EIF3M: variants seen among roughly 807,000 people sequenced by gnomAD.
EIF3M encodes the protein B5 receptor.
A neutral mutation model predicts 49.7 loss-of-function variants in EIF3M; 25 were observed. The observed-to-expected ratio is 0.50, with a 90% CI of 0.37 to 0.70. The LOEUF (loss-of-function observed/expected upper bound fraction) is 0.70, where lower values mean the gene tolerates loss of function less well. Ranked by LOEUF, EIF3M falls within the 30% of genes least tolerant of loss-of-function variation. EIF3M has a pLI of 0.00. For missense variants in EIF3M, 350 were observed against 440.0 expected, an observed-to-expected ratio of 0.80 and a Z score of 1.83; for synonymous variants, 156 against 149.8, an observed-to-expected ratio of 1.04 and a Z score of -0.30.
At chr11:32,589,469 G>A (rs1047917156) in intron 4 of EIF3M, 78 bp from the exon 5 acceptor site, 47 of 1,418,268 alleles carry the variant, frequency 3.3e-5, no homozygotes, top group East Asian at 2.8e-4. Flanking sequence ...GAGCCACCAC[G>A]CCCAGCCAGA....
chr11:32,600,741 A>C lies in EIF3M; in HGVS notation c.852A>C (p.Gly284=). The change falls in exon 9 of 11, where the codon GGA becomes GGC. Residue 284 remains glycine, a synonymous_variant. Coordinates refer to ENST00000531120, the MANE Select transcript of EIF3M (RefSeq NM_006360.6). ...AAATGAGACTACTTACTTTTATGGGAATGGCAGTAGAAAATAAGGAAATTT... is the reference window on the plus strand; with the variant it reads ...AAATGAGACTACTTACTTTTATGGGCATGGCAGTAGAAAATAAGGAAATTT... ...MAKMRLLTFM[G]MAVENKEISF... is the part of the protein sequence containing the mutation. The C allele has an allele frequency of 6.2e-7, 1 of 1,612,030 alleles. No individual in the cohort carries two copies. The highest frequency in any genetic ancestry group is 1.3e-5 in the African/African-American group (1 of 74,956).
At chr11:32,588,782 G>A in intron 3 of EIF3M, 50 bp downstream of exon 3, 1 of 1,609,744 alleles carries the variant, frequency 6.2e-7, no homozygotes, top group Non-Finnish European at 8.5e-7. Flanking sequence ...CTTTTTTCAT[G>A]TTACTAACTT....
intron 5 of EIF3M, among the ~76,000 whole-genome samples, chr11:32,593,363 G>T (rs775096879): frequency 6.6e-6 from 1 of 152,180 alleles, no homozygotes; most frequent in Non-Finnish European, 1.5e-5. Flanking sequence ...CTTAAGTAGA[G>T]TTATTTAAAT....
chr11:32,599,417 A>C (rs1022740509), intron 8 of EIF3M, among the ~76,000 whole-genome samples: 9 of 152,044 alleles, frequency 5.9e-5, no homozygotes, highest in African/African-American at 2.2e-4. Context: ...GGAAGCCTGT[A>C]TCATAATTAC....
Position 32,594,942 on chromosome 11 carries a change from A to G in EIF3M, c.646A>G (p.Asn216Asp), listed in dbSNP as rs761172968. Residue 216 changes from asparagine (N) to aspartate (D), a missense_variant, in exon 7 of 11, where the codon AAT becomes GAT. Physicochemically the swap from Asn to Asp is conservative, Grantham distance 23 (BLOSUM62 1). Coordinates refer to ENST00000531120, the MANE Select transcript of EIF3M (RefSeq NM_006360.6). Reference protein sequence around the residue: ...RCIVRALKDPNAFLFDHLLTL... With the variant: ...RCIVRALKDPDAFLFDHLLTL... ...TATTGTACGAGCATTGAAAGATCCA[A>G]ATGCATTTCTTTTTGACCACCTTCT... The G allele has an allele frequency of 6.2e-7, 1 of 1,613,700 alleles. No homozygotes were observed. Among genetic ancestry groups the G allele is most frequent in the South Asian group, 1.1e-5 (1 of 90,998 alleles).
Position 32,603,112 on chromosome 11 carries a change from A to T in EIF3M, c.*713A>T. On this transcript the variant is annotated 3_prime_UTR_variant, in exon 11 of 11. Transcript: ENST00000531120. The stretch of plus-strand genomic sequence containing the variant: ...CCTCTGCAGTTATGAGTATGTGGTA[A>T]AACCACCATCTCTTGGCTGATTTCC... 1 of 1,002,584 alleles carries T rather than the reference A, an allele frequency of 1.0e-6. No homozygotes were observed. Among genetic ancestry groups the T allele is most frequent in the Non-Finnish European group, 1.5e-6 (1 of 677,804 alleles). The allele number at this position is 1,002,584 out of a possible 1,614,324, so 62.1% of individuals were successfully genotyped here.
In EIF3M at chr11:32,600,746, C is replaced by A; in HGVS notation, c.857C>A (p.Ala286Glu). 1 of 1,611,710 alleles carries A rather than the reference C, an allele frequency of 6.2e-7. No individual in the cohort carries two copies. Among genetic ancestry groups the A allele is most frequent in the Non-Finnish European group, 8.5e-7 (1 of 1,178,514 alleles). Reference sequence around the variant, plus strand: ...AGACTACTTACTTTTATGGGAATGGCAGTAGAAAATAAGGAAATTTCTTTT... The same window carrying A: ...AGACTACTTACTTTTATGGGAATGGAAGTAGAAAATAAGGAAATTTCTTTT... ...KMRLLTFMGMAVENKEISFDT... is the reference protein window; with the variant it reads ...KMRLLTFMGMEVENKEISFDT... Residue 286 changes from alanine (A) to glutamate (E), a missense_variant, in exon 9 of 11, where the codon GCA (alanine) becomes GAA (glutamate). Coordinates refer to ENST00000531120, the MANE Select transcript of EIF3M (RefSeq NM_006360.6).
intron 5 of EIF3M, among the ~76,000 whole-genome samples, chr11:32,589,971 A>C (rs1283797171): frequency 6.6e-6 from 1 of 152,186 alleles, no homozygotes. Context: ...TGGATGGTGC[A>C]GTGGCAGACT....
Position 32,584,793 on chromosome 11 carries a change from C to T in EIF3M, c.42+864C>T, listed in dbSNP as rs75424295. Among the ~76,000 whole-genome samples, 666 of 152,056 alleles carry T rather than the reference C, an allele frequency of 4.4e-3. 7 individuals carry two copies. The highest frequency in any genetic ancestry group is 0.015 in the African/African-American group (635 of 41,450). ...TGAGGCATACACCTGATGGACCATC[C>T]TGATATTTTTAAATTTCCCGTTTGG... On this transcript the variant is annotated intron_variant, in intron 1 of 10. Coordinates refer to ENST00000531120, the MANE Select transcript of EIF3M (RefSeq NM_006360.6).
At chr11:32,591,850 GC>G in intron 5 of EIF3M, 1 of 240,420 alleles carries the variant, frequency 4.2e-6, no homozygotes, top group Non-Finnish European at 8.6e-6. Context: ...CACCAAAACT[GC>G]CCCCTTTCAT....
chr11:32,592,541 C>T, intron 5 of EIF3M: 1 of 542,890 alleles, frequency 1.8e-6, no homozygotes, highest in Admixed American at 1.9e-5. Context: ...ACTCCTCAGC[C>T]TTGTGTGGTT....
Position 32,594,898 on chromosome 11 carries a change from T to TCAGAGGACAA in EIF3M, c.618-16_618-15insCAGAGGACAA. 1 of 1,595,260 alleles carries TCAGAGGACAA rather than the reference T, an allele frequency of 6.3e-7. No individual in the cohort carries two copies. The highest frequency in any genetic ancestry group is 1.4e-5 in the African/African-American group (1 of 72,510). Reference sequence around the variant, plus strand: ...ATTTCAAAACCCTGAGCTTACATTTTTGTTCTCTAATTAAGGTGTATTGTA... The same window carrying TCAGAGGACAA: ...ATTTCAAAACCCTGAGCTTACATTTTCAGAGGACAATGTTCTCTAATTAAGGTGTATTGTA... On this transcript the variant is annotated splice_polypyrimidine_tract_variant and intron_variant, in intron 6 of 10. Transcript: ENST00000531120.
intron 6 of EIF3M, 28 bp from the exon 7 acceptor site, chr11:32,594,886 G>C (rs1855155596): frequency 6.3e-7 from 1 of 1,586,718 alleles, no homozygotes; most frequent in African/African-American, 1.4e-5. Flanking sequence ...TCAAAACCCT[G>C]AGCTTACATT....
intron 3 of EIF3M, 39 bp downstream of exon 3, chr11:32,588,771 G>C (rs1565046744): frequency 6.2e-7 from 1 of 1,610,534 alleles, no homozygotes; most frequent in South Asian, 1.1e-5. Context: ...TTTTCTAGGT[G>C]CTTTTTTCAT....
At chr11:32,592,863 AG>A (rs1855124629) in intron 5 of EIF3M, 1 of 307,816 alleles carries the variant, frequency 3.2e-6, no homozygotes, top group African/African-American at 2.2e-5. Context: ...GGCTGTTCAC[AG>A]GTGCAATTGT....
intron 9 of EIF3M, 114 bp downstream of exon 9, chr11:32,600,946 C>T: frequency 3.0e-6 from 4 of 1,354,850 alleles, no homozygotes; most frequent in Non-Finnish European, 4.0e-6. Flanking sequence ...TTGTTTATAG[C>T]AGATGTGTAT....
rs1466485033 is a variant in EIF3M at position 32,606,009 on chromosome 11, A to T, written c.*3610A>T. On this transcript the variant is annotated 3_prime_UTR_variant, in exon 11 of 11. Transcript: ENST00000531120. ...AACTTAAATGAATCTAATTCATTGG[A>T]TATATAAAAAAAAAAGTAAGTGGCT... 5 of 139,598 alleles carry T rather than the reference A, an allele frequency of 3.6e-5. No homozygotes were observed. The highest frequency in any genetic ancestry group is 2.8e-4 in the Admixed American group (4 of 14,466). 8.6% of individuals were successfully genotyped at this position (139,598 alleles called of 1,614,324 possible).
At chr11:32,598,025 T>C (rs187617922) in intron 8 of EIF3M, among the ~76,000 whole-genome samples, 2 of 152,270 alleles carry the variant, frequency 1.3e-5, no homozygotes, top group African/African-American at 2.4e-5. Flanking sequence ...TGTAAGTGTG[T>C]TTGTGTAGAA....
chr11:32,601,873 C>G (rs77379922), intron 10 of EIF3M, 51 bp downstream of exon 10: 2 of 1,576,608 alleles, frequency 1.3e-6, no homozygotes, highest in Admixed American at 1.7e-5. Context: ...TAGTTTGTTC[C>G]GATTATTTCA....
Sources: gnomAD v4.1 joint callset for allele counts (sites outside exome capture counted in the v4.1 genomes callset) on GRCh38, gnomAD v4.1.1 for gene constraint, MANE v1.5 for transcripts, NCBI Gene and HGNC (gene_info 2026-07-23, HGNC 2026-07-21) for gene names.